Variants in RGS6 observed in about 807,000 individuals in gnomAD.
The protein encoded by RGS6 is regulator of G-protein signaling 6.
In RGS6, 30 loss-of-function variants were observed where a neutral mutation model predicts 78.5. The observed-to-expected ratio is 0.38, with a 90% CI of 0.29 to 0.52. RGS6 has a LOEUF of 0.52. RGS6 is among the 20% of genes least tolerant of loss of function. The pLI is 0.85. For missense variants in RGS6, 495 were observed against 609.7 expected, an observed-to-expected ratio of 0.81 and a Z score of 1.98; for synonymous variants, 206 against 206.0, an observed-to-expected ratio of 1.00 and a Z score of 0.00.
chr14:72,417,703 T>C (rs190650283), intron 3 of RGS6, among the ~76,000 whole-genome samples: 3 of 152,314 alleles, frequency 2.0e-5, no homozygotes, highest in East Asian at 3.9e-4. Context: ...AAAATATGCA[T>C]AAAATAGCAG....
chr14:72,138,677 T>C (rs8010992), intron 2 of RGS6, among the ~76,000 whole-genome samples: 13 of 152,056 alleles, frequency 8.5e-5, no homozygotes, highest in African/African-American at 1.2e-4. Flanking sequence ...ATCACTCATA[T>C]TTCCACCTGA....
At chr14:72,556,890 A>ATGTT (rs1277835926) in intron 17 of RGS6, among the ~76,000 whole-genome samples, 2 of 152,212 alleles carry the variant, frequency 1.3e-5, no homozygotes, top group East Asian at 3.9e-4. Context: ...GTATTGTTTT[A>ATGTT]TGTTTGTGAT....
the RGS6 span, among the ~76,000 whole-genome samples, chr14:71,907,681 T>G: frequency 2.7e-5 from 4 of 148,468 alleles, no homozygotes; most frequent in East Asian, 2.0e-4. Flanking sequence ...AGGGCCGGGG[T>G]GGGAAAGGCA....
chr14:72,357,516 G>A (rs1020540579), intron 3 of RGS6, among the ~76,000 whole-genome samples: 4 of 152,198 alleles, frequency 2.6e-5, no homozygotes, highest in African/African-American at 9.6e-5. Context: ...AGTCTCAGAT[G>A]GAGATGAGAA....
At position 72,034,328 on chromosome 14, in the gene RGS6, CT is replaced by C. The variant is rs535195158; in HGVS notation, c.84+69455del. 3.6e-4 allele frequency among the ~76,000 whole-genome samples: 54 copies of C among 150,368 alleles called. No homozygotes were observed. In the Middle Eastern group the frequency reaches 0.01, roughly 29 times the overall value. ...GATTTTCATATATGGTCTCTGTTAT[CT>C]TGAGGTAATTTCTTTCTATTAATGA... is the stretch of plus-strand genomic sequence containing the variant. On this transcript the variant is annotated intron_variant, in intron 2 of 17. Coordinates refer to ENST00000553525, the MANE Select transcript of RGS6 (RefSeq NM_001204424.2).
At chr14:72,576,412 G>T in the RGS6 span, among the ~76,000 whole-genome samples, 3 of 152,142 alleles carry the variant, frequency 2.0e-5, no homozygotes, top group Admixed American at 6.5e-5. Context: ...ATAATATGTA[G>T]CAAAGGGATC....
chr14:72,450,524 C>T (rs763234997), intron 3 of RGS6, among the ~76,000 whole-genome samples: 2 of 152,140 alleles, frequency 1.3e-5, no homozygotes, highest in Non-Finnish European at 2.9e-5. Context: ...AAATCAGCCT[C>T]AAAAAGAATG....
At chr14:71,937,215 G>A (rs2089604194) in intron 1 of RGS6, among the ~76,000 whole-genome samples, 1 of 152,152 alleles carries the variant, frequency 6.6e-6, no homozygotes, top group African/African-American at 2.4e-5. Context: ...ATCCCAAACT[G>A]TCCAGGTGGC....
intron 17 of RGS6, among the ~76,000 whole-genome samples, chr14:72,555,106 AT>A (rs1007709740): frequency 7.2e-5 from 11 of 152,190 alleles, no homozygotes; most frequent in Non-Finnish European, 1.3e-4. Context: ...GCCTAGAATG[AT>A]TTAAAGTGGG....
At chr14:72,308,740 T>A (rs2067852601) in intron 2 of RGS6, among the ~76,000 whole-genome samples, 1 of 152,216 alleles carries the variant, frequency 6.6e-6, no homozygotes, top group Non-Finnish European at 1.5e-5. Flanking sequence ...AATATACATG[T>A]ATTCCTATTT....
At chr14:71,939,725 A>G (rs1189709302) in intron 1 of RGS6, among the ~76,000 whole-genome samples, 1 of 152,244 alleles carries the variant, frequency 6.6e-6, no homozygotes, top group Non-Finnish European at 1.5e-5. Flanking sequence ...ATGATAATCC[A>G]CTATCATTCT....
At chr14:72,189,361 G>A (rs921301567) in intron 2 of RGS6, among the ~76,000 whole-genome samples, 1 of 152,090 alleles carries the variant, frequency 6.6e-6, no homozygotes, top group African/African-American at 2.4e-5. Flanking sequence ...ATTTTTCTAT[G>A]CCTCATGAAG....
intron 3 of RGS6, among the ~76,000 whole-genome samples, chr14:72,442,073 C>G (rs769302452): frequency 6.6e-6 from 1 of 152,286 alleles, no homozygotes; most frequent in South Asian, 2.1e-4. Flanking sequence ...TCCTCACCAA[C>G]GCTGAGATGA....
intron 2 of RGS6, among the ~76,000 whole-genome samples, chr14:72,127,662 A>G (rs1219271283): frequency 6.6e-6 from 1 of 152,202 alleles, no homozygotes; most frequent in Non-Finnish European, 1.5e-5. Context: ...AGTTGCAAGA[A>G]ATAACACAGA....
chr14:72,298,607 C>A (rs778452072), intron 2 of RGS6, among the ~76,000 whole-genome samples: 3 of 151,782 alleles, frequency 2.0e-5, no homozygotes, highest in Non-Finnish European at 2.9e-5. Flanking sequence ...ACCATGACAT[C>A]CGGCTAATTT....
chr14:72,084,580 A>G (rs1402190981), intron 2 of RGS6, among the ~76,000 whole-genome samples: 1 of 152,180 alleles, frequency 6.6e-6, no homozygotes, highest in Non-Finnish European at 1.5e-5. Context: ...AACTCAGATA[A>G]AAAATAGATC....
intron 12 of RGS6, among the ~76,000 whole-genome samples, chr14:72,480,920 G>A (rs1381180141): frequency 6.6e-6 from 1 of 152,182 alleles, no homozygotes; most frequent in Non-Finnish European, 1.5e-5. Flanking sequence ...GAGGCAGGAG[G>A]GCTGGGGACA....
intron 2 of RGS6, among the ~76,000 whole-genome samples, chr14:72,159,377 G>A (rs373884493): frequency 5.3e-5 from 8 of 152,324 alleles, no homozygotes; most frequent in Non-Finnish European, 1.0e-4. Flanking sequence ...GCTCCAAAGA[G>A]TAAGGCATCT....
chr14:71,920,945 T>G, the RGS6 span, among the ~76,000 whole-genome samples: 1 of 152,184 alleles, frequency 6.6e-6, no homozygotes, highest in Non-Finnish European at 1.5e-5. Context: ...AGAAAATATT[T>G]ACAATATTTT....
Sources: gnomAD v4.1 joint callset for allele counts (sites outside exome capture counted in the v4.1 genomes callset) on GRCh38, gnomAD v4.1.1 for gene constraint, MANE v1.5 for transcripts, NCBI Gene and HGNC (gene_info 2026-07-23, HGNC 2026-07-21) for gene names.